Variants in UNC13C observed in about 807,000 individuals in gnomAD.
UNC13C encodes protein unc-13 homolog C.
UNC13C carries 174 observed loss-of-function variants against 245.4 expected under a neutral mutation model. That is an observed-to-expected ratio of 0.71 (90% confidence interval 0.63 to 0.80). UNC13C has a LOEUF of 0.80. Ranked by LOEUF, UNC13C falls within the 30% of genes least tolerant of loss-of-function variation. UNC13C has a pLI of 0.00. For missense variants in UNC13C, 2,829 were observed against 2,602.9 expected (o/e 1.09, Z -1.89); for synonymous variants, 992 against 895.1 (o/e 1.11, Z -1.93).
intron 2 of UNC13C, among the ~76,000 whole-genome samples, chr15:54,041,738 G>A (rs572654473): frequency 1.3e-5 from 2 of 152,330 alleles, no homozygotes; most frequent in East Asian, 3.9e-4. Context: ...TGGGGTTGTT[G>A]TGAAGATTAA....
At position 54,468,747 on chromosome 15, in the gene UNC13C, A is replaced by G. The variant is rs1014715815; in HGVS notation, c.4934-25861A>G. Among the ~76,000 whole-genome samples the G allele has an allele frequency of 2.0e-5, 3 of 151,790 alleles. 1 individual carries two copies. The highest frequency in any genetic ancestry group is 2.0e-4 in the Admixed American group (3 of 15,224). On this transcript the variant is annotated intron_variant, in intron 19 of 32. Coordinates refer to ENST00000260323, the MANE Select transcript of UNC13C (RefSeq NM_001080534.3). Reference sequence around the variant, plus strand: ...TGCACTGGCGCCTTTGTCAAAAATAAATTGACTATAAATATGTGGATTTAT... The same window carrying G: ...TGCACTGGCGCCTTTGTCAAAAATAGATTGACTATAAATATGTGGATTTAT...
chr15:53,863,979 A>G, the UNC13C span, among the ~76,000 whole-genome samples: 17 of 152,284 alleles, frequency 1.1e-4, no homozygotes, highest in Admixed American at 2.0e-4. Flanking sequence ...TCCATGTTCC[A>G]TGCTGGCTGC....
chr15:54,481,304 T>C lies in UNC13C; in HGVS notation c.4934-13304T>C, dbSNP rs1323764861. On this transcript the variant is annotated intron_variant, in intron 19 of 32. Coordinates refer to ENST00000260323, the MANE Select transcript of UNC13C (RefSeq NM_001080534.3). ...GTGAGCCAACCCTCAGGCCCATGAG[T>C]GGTGCATGCTGGAGCCAGCAGTGGC... Among the ~76,000 whole-genome samples the C allele has an allele frequency of 2.6e-5, 4 of 152,010 alleles. No individual in the cohort carries two copies. The East Asian group carries it at 7.8e-4, about 30-fold the overall frequency.
chr15:54,399,807 G>C (rs1462422370), intron 18 of UNC13C, among the ~76,000 whole-genome samples: 2 of 151,896 alleles, frequency 1.3e-5, no homozygotes, highest in Non-Finnish European at 2.9e-5. Context: ...GGAAGTTTAG[G>C]TTTAAGCGAC....
chr15:53,989,411 A>C (rs537848369), intron 1 of UNC13C, among the ~76,000 whole-genome samples: 6 of 152,170 alleles, frequency 3.9e-5, no homozygotes, highest in Admixed American at 3.9e-4. Flanking sequence ...GATTTAAAAA[A>C]AAAAAGAAAA....
intron 8 of UNC13C, among the ~76,000 whole-genome samples, chr15:54,250,711 C>T (rs1292605085): frequency 2.1e-5 from 3 of 140,398 alleles, no homozygotes; most frequent in Non-Finnish European, 4.6e-5. Context: ...AAAGTGACTT[C>T]CTATCTATTT....
At chr15:54,262,671 C>CT (rs565033451) in intron 8 of UNC13C, among the ~76,000 whole-genome samples, 76 of 151,866 alleles carry the variant, frequency 5.0e-4, no homozygotes, top group South Asian at 1.5e-3. Context: ...GGAATTCATT[C>CT]TTTTTTTTGT....
chr15:54,552,401 TATATAATTATATATTACAATATATA>T (rs1350628384), intron 28 of UNC13C, among the ~76,000 whole-genome samples: 6,421 of 69,242 alleles, frequency 0.093, 468 homozygotes, highest in Non-Finnish European at 0.12. Flanking sequence ...AATATATAAT[TATATAATTATATATTACAATATATA>T]ATATAATTAT....
chr15:54,071,391 T>C (rs544746901), intron 2 of UNC13C, among the ~76,000 whole-genome samples: 157 of 152,346 alleles, frequency 1.0e-3, no homozygotes, highest in African/African-American at 3.6e-3. Context: ...GTAATGGGTA[T>C]TGTTACTATT....
chr15:53,904,975 G>A, the UNC13C span, among the ~76,000 whole-genome samples: 3 of 152,162 alleles, frequency 2.0e-5, no homozygotes, highest in Admixed American at 2.0e-4. Flanking sequence ...TCTCTCTAAG[G>A]AAAATAGACA....
chr15:53,938,904 G>T, the UNC13C span, among the ~76,000 whole-genome samples: 2 of 152,044 alleles, frequency 1.3e-5, no homozygotes, highest in Non-Finnish European at 2.9e-5. Context: ...AAGTTAGAAA[G>T]ACCTCAAATC....
chr15:54,239,313 A>G (rs2035790630), intron 7 of UNC13C, among the ~76,000 whole-genome samples: 1 of 152,238 alleles, frequency 6.6e-6, no homozygotes, highest in Non-Finnish European at 1.5e-5. Flanking sequence ...CCTACCCAGT[A>G]CATATCAGTA....
chr15:54,544,229 T>G (rs1896380222), intron 26 of UNC13C, among the ~76,000 whole-genome samples: 1 of 152,112 alleles, frequency 6.6e-6, no homozygotes, highest in African/African-American at 2.4e-5. Context: ...AAAAGGCCTT[T>G]GATAAAATTC....
chr15:54,352,773 G>A (rs928289684), intron 17 of UNC13C, among the ~76,000 whole-genome samples: 12 of 152,022 alleles, frequency 7.9e-5, no homozygotes, highest in Admixed American at 2.0e-4. Context: ...ATCTCACCAG[G>A]AAATGAATTG....
intron 4 of UNC13C, among the ~76,000 whole-genome samples, chr15:54,174,960 A>T (rs1335970446): frequency 1.3e-5 from 2 of 152,108 alleles, no homozygotes; most frequent in East Asian, 3.9e-4. Flanking sequence ...GCTTTTGTAA[A>T]TCCTTTTGCT....
chr15:54,136,930 ATT>A (rs1210388479), intron 2 of UNC13C, among the ~76,000 whole-genome samples: 1 of 151,524 alleles, frequency 6.6e-6, no homozygotes, highest in Non-Finnish European at 1.5e-5. Flanking sequence ...CAGCCTCAAT[ATT>A]CTCAATCAGT....
chr15:54,571,930 T>C (rs1208182966), intron 30 of UNC13C, among the ~76,000 whole-genome samples: 1 of 152,354 alleles, frequency 6.6e-6, no homozygotes, highest in East Asian at 1.9e-4. Flanking sequence ...GGATCCAGTT[T>C]CCCTCAGAAG....
upstream of UNC13C, among the ~76,000 whole-genome samples, chr15:53,975,544 A>G (rs1448791890): frequency 6.6e-6 from 1 of 152,238 alleles, no homozygotes; most frequent in Non-Finnish European, 1.5e-5. Flanking sequence ...CCATGCACAC[A>G]GGATTGGTTT....
the UNC13C span, among the ~76,000 whole-genome samples, chr15:53,841,362 G>A: frequency 6.6e-6 from 1 of 152,004 alleles, no homozygotes; most frequent in South Asian, 2.1e-4. Context: ...TATCTTGAAA[G>A]CTTCAACCAA....
Sources: gnomAD v4.1 joint callset for allele counts (sites outside exome capture counted in the v4.1 genomes callset) on GRCh38, gnomAD v4.1.1 for gene constraint, MANE v1.5 for transcripts, NCBI Gene and HGNC (gene_info 2026-07-23, HGNC 2026-07-21) for gene names.